The following PCBD1 variants were observed in gnomAD, a reference collection of about 807,000 sequenced individuals.
PCBD1 encodes pterin-4 alpha-carbinolamine dehydratase 1, also known as pterin-4-alpha-carbinolamine dehydratase.
Under a neutral mutation model 12.6 loss-of-function variants are expected in PCBD1, and 16 were observed. That is an observed-to-expected ratio of 1.27 (90% confidence interval 0.86 to 1.93). The LOEUF is 1.93. Ranked by LOEUF, PCBD1 falls within the 30% of genes most tolerant of loss-of-function variation. The pLI is 0.00. For missense variants in PCBD1, 86 were observed against 130.1 expected (o/e 0.66, Z 1.65); for synonymous variants, 53 against 50.2 (o/e 1.05, Z -0.23).
intron 1 of PCBD1, chr10:70,887,757 C>G (rs1243642958): frequency 1.3e-5 from 2 of 152,252 alleles, no homozygotes; most frequent in Admixed American, 6.5e-5. Flanking sequence ...ATTTCCCAAG[C>G]CTGCATCTCT....
chr10:70,883,870 A>G lies in PCBD1; in HGVS notation c.*80T>C. On this transcript the variant is annotated 3_prime_UTR_variant, in exon 4 of 4. Transcript: ENST00000299299. ...CTTGGGAGGGGAGTGGTGGGAGGGT[A>G]AGGGCTCCTCAGCTCCCTCCCTGGA... The G allele has an allele frequency of 6.4e-7, 1 of 1,556,234 alleles. No homozygotes were observed. The highest frequency in any genetic ancestry group is 1.2e-5 in the South Asian group (1 of 84,636).
chr10:70,885,285 G>A, intron 2 of PCBD1, 53 bp from the exon 3 acceptor site: 1 of 1,377,418 alleles, frequency 7.3e-7, no homozygotes, highest in South Asian at 1.2e-5. Context: ...AGGACTTCTG[G>A]ACATCACCAA....
chr10:70,885,256 G>C (rs1379039295), intron 2 of PCBD1, 24 bp from the exon 3 acceptor site: 1 of 1,592,244 alleles, frequency 6.3e-7, no homozygotes. Context: ...GTGAGAGCCA[G>C]GTTAGTGTTC....
Position 70,884,024 on chromosome 10 carries a change from CAT to C in PCBD1, c.239_240del (p.His80ArgfsTer32). 3.7e-6 allele frequency: 6 copies of C among 1,614,132 alleles called. No homozygotes were observed. Among genetic ancestry groups the C allele is most frequent in the South Asian group, 1.1e-5 (1 of 91,014 alleles). ...TCCCGTTCTGAAAGGCCGGCACACT[CAT>C]GGGTGCTCAGCGTGATGTGGACCTG... ...YNKVHITLSTHECAGLSERDI... is the reference protein window; with the variant it reads ...YNKVHITLSTXECAGLSERDI... On this transcript the variant is annotated frameshift_variant, in exon 4 of 4. Transcript: ENST00000299299. LOFTEE classifies it high-confidence loss of function.
At position 70,885,139 on chromosome 10, in the gene PCBD1, C is replaced by T; in HGVS notation, c.216+13G>A. ...GGGGGCAGAGCACAACAGAGGCACA[C>T]AGCATCACTCACCTTGTTGTACACG... is the stretch of plus-strand genomic sequence containing the variant. On this transcript the variant is annotated intron_variant, in intron 3 of 3. Transcript: ENST00000299299. The T allele has an allele frequency of 6.2e-7, 1 of 1,608,170 alleles. No individual in the cohort carries two copies. Among genetic ancestry groups the T allele is most frequent in the Non-Finnish European group, 8.5e-7 (1 of 1,175,350 alleles).
chr10:70,882,415 G>A (rs540561232), downstream of PCBD1: 2 of 152,370 alleles, frequency 1.3e-5, no homozygotes, highest in South Asian at 2.1e-4. Context: ...CCCAAGATCT[G>A]TAGTTGGCAA....
chr10:70,888,396 G>A (rs1355923555), intron 1 of PCBD1, 135 bp downstream of exon 1: 1 of 1,012,308 alleles, frequency 9.9e-7, no homozygotes, highest in South Asian at 1.9e-5. Flanking sequence ...GAGCCGGGCA[G>A]AGACCCCACT....
At chr10:70,886,589 G>C (rs528904313) in intron 1 of PCBD1, among the ~76,000 whole-genome samples, 330 of 152,356 alleles carry the variant, frequency 2.2e-3, no homozygotes, top group Non-Finnish European at 3.4e-3. Flanking sequence ...CCCATTCTTA[G>C]CCACACTGCA....
intron 2 of PCBD1, 132 bp from the exon 3 acceptor site, chr10:70,885,364 T>A (rs1236684819): frequency 6.9e-6 from 5 of 727,316 alleles, no homozygotes; most frequent in Non-Finnish European, 1.2e-5. Flanking sequence ...CATTTCCCCC[T>A]TGACATCCTG....
chr10:70,888,209 A>G (rs1056401135), intron 1 of PCBD1: 1 of 287,158 alleles, frequency 3.5e-6, no homozygotes, highest in Non-Finnish European at 6.4e-6. Context: ...AGATCCGTGG[A>G]CTCCTCCACG....
intron 1 of PCBD1, 51 bp from the exon 2 acceptor site, chr10:70,885,980 A>G (rs376184379): frequency 1.9e-6 from 3 of 1,604,056 alleles, no homozygotes; most frequent in African/African-American, 2.7e-5. Context: ...TTTATAGGTC[A>G]AAACAGAGGG....
Position 70,888,327 on chromosome 10 carries a change from C to T in PCBD1, c.3+204G>A, listed in dbSNP as rs2854613. 0.31 allele frequency: 142,440 copies of T among 463,978 alleles called. 23,072 individuals are homozygous for T. The highest frequency in any genetic ancestry group is 0.43 in the South Asian group (10,091 of 23,280). 28.7% of individuals were successfully genotyped at this position (463,978 alleles called of 1,614,324 possible). A position where few individuals can be genotyped will look rare whatever the true frequency, so the allele number is the denominator to read the frequency against. ...CCTGGCCTCCCAACTGGGTGGGATT[C>T]GAACCCGCCACCGCCCCTCTCAGGG... On this transcript the variant is annotated intron_variant, in intron 1 of 3. Transcript: ENST00000299299.
In PCBD1 at chr10:70,883,563, C is replaced by T; in HGVS notation, c.*387G>A. 7.0e-6 allele frequency: 8 copies of T among 1,140,392 alleles called. No individual in the cohort carries two copies. The highest frequency in any genetic ancestry group is 6.5e-6 in the Non-Finnish European group (6 of 918,162). The allele number at this position is 1,140,392 out of a possible 1,614,324, so 70.6% of individuals were successfully genotyped here. A position where few individuals can be genotyped will look rare whatever the true frequency, so the allele number is the denominator to read the frequency against. On this transcript the variant is annotated 3_prime_UTR_variant, in exon 4 of 4. Transcript: ENST00000299299. ...CATAAAAACACATGTGTTTCTATTA[C>T]ATAGTGTGGGGTTTAGGGTCCTGGT...
intron 1 of PCBD1, among the ~76,000 whole-genome samples, 167 bp from the exon 2 acceptor site, chr10:70,886,096 C>A (rs1198179708): frequency 6.6e-6 from 1 of 152,184 alleles, no homozygotes; most frequent in Non-Finnish European, 1.5e-5. Context: ...AAGGGTGGCA[C>A]CCTGCCCAGG....
chr10:70,887,664 C>T (rs1367350799), intron 1 of PCBD1, among the ~76,000 whole-genome samples: 1 of 152,176 alleles, frequency 6.6e-6, no homozygotes, highest in East Asian at 1.9e-4. Context: ...AACTGACAAA[C>T]CTTCCAGGTG....
intron 1 of PCBD1, chr10:70,888,317 G>T (rs914962320): frequency 5.5e-5 from 24 of 434,062 alleles, no homozygotes; most frequent in Non-Finnish European, 7.3e-5. Context: ...CCTCCCAACT[G>T]GGTGGGATTC....
intron 3 of PCBD1, 27 bp downstream of exon 3, chr10:70,885,125 A>G: frequency 1.3e-6 from 2 of 1,594,038 alleles, no homozygotes; most frequent in Non-Finnish European, 1.7e-6. Context: ...GGGGCAGAGC[A>G]CAACAGAGGC....
intron 1 of PCBD1, among the ~76,000 whole-genome samples, chr10:70,887,334 TG>T (rs1465481663): frequency 6.6e-6 from 1 of 152,206 alleles, no homozygotes; most frequent in Non-Finnish European, 1.5e-5. Flanking sequence ...TTTTCCCTCC[TG>T]AAAACGTGAG....
At chr10:70,883,215 T>TG (rs1274162192), downstream of PCBD1, among the ~76,000 whole-genome samples, 2 of 152,156 alleles carry the variant, frequency 1.3e-5, no homozygotes, top group African/African-American at 4.8e-5. Context: ...ATTAATCACT[T>TG]GCGTTCCCTT....
Sources: allele counts gnomAD v4.1 joint callset (sites outside exome capture counted in the v4.1 genomes callset), GRCh38; gene constraint gnomAD v4.1.1; transcripts MANE v1.5; gene names NCBI Gene and HGNC (gene_info 2026-07-23, HGNC 2026-07-21).